The following KCNH8 variants were observed in gnomAD, a reference collection of about 807,000 sequenced individuals.
KCNH8 encodes voltage-gated delayed rectifier potassium channel KCNH8.
Under a neutral mutation model 103.6 loss-of-function variants are expected in KCNH8, and 70 were observed. That is an observed-to-expected ratio of 0.68 (90% CI 0.56 to 0.82). The LOEUF is 0.82. Ranked by LOEUF, KCNH8 falls within the 40% of genes least tolerant of loss-of-function variation. KCNH8 has a pLI of 0.00. For synonymous variants in KCNH8, 498 were observed against 489.4 expected (o/e 1.02, Z -0.23); for missense variants, 1,217 against 1,329.9 (o/e 0.92, Z 1.32).
At chr3:19,249,326 C>T (rs1213446939) in intron 1 of KCNH8, among the ~76,000 whole-genome samples, 4 of 152,164 alleles carry the variant, frequency 2.6e-5, no homozygotes, top group African/African-American at 9.7e-5. Flanking sequence ...AATACAGGGA[C>T]CATTCATGTA....
At chr3:19,353,974 C>T (rs9853073) in intron 5 of KCNH8, among the ~76,000 whole-genome samples, 81,053 of 152,016 alleles carry the variant, frequency 0.53, 23,959 homozygotes, top group African/African-American at 0.81. Flanking sequence ...TGATTGTATA[C>T]TTAGAAAACC....
intron 5 of KCNH8, among the ~76,000 whole-genome samples, chr3:19,382,826 C>A: frequency 6.6e-6 from 1 of 152,092 alleles, no homozygotes; most frequent in East Asian, 1.9e-4. Context: ...AACAAGCAAT[C>A]TCAATGTCTC....
At chr3:19,444,596 T>A (rs913124682) in intron 8 of KCNH8, among the ~76,000 whole-genome samples, 13 of 151,846 alleles carry the variant, frequency 8.6e-5, no homozygotes, top group African/African-American at 1.2e-4. Flanking sequence ...CAAATGTTTA[T>A]CTGACAAAGG....
At chr3:19,244,753 G>A (rs2064183235) in intron 1 of KCNH8, among the ~76,000 whole-genome samples, 1 of 151,822 alleles carries the variant, frequency 6.6e-6, no homozygotes, top group African/African-American at 2.4e-5. Flanking sequence ...ATTTTTATTG[G>A]CCACTTGCAT....
At chr3:19,329,127 GGATTCC>G (rs1205845589) in intron 3 of KCNH8, among the ~76,000 whole-genome samples, 1 of 152,080 alleles carries the variant, frequency 6.6e-6, no homozygotes, top group Non-Finnish European at 1.5e-5. Context: ...TTAAGAGTTA[GGATTCC>G]AATGTGCCAT....
At chr3:19,300,630 A>C (rs1344917704) in intron 3 of KCNH8, among the ~76,000 whole-genome samples, 1 of 152,156 alleles carries the variant, frequency 6.6e-6, no homozygotes, top group Non-Finnish European at 1.5e-5. Context: ...AAGAGCGGAG[A>C]TTACATAACG....
chr3:19,467,110 G>C, intron 11 of KCNH8, among the ~76,000 whole-genome samples: 1 of 152,228 alleles, frequency 6.6e-6, no homozygotes, highest in East Asian at 1.9e-4. Flanking sequence ...TACTGAGATA[G>C]TAACTTTATT....
chr3:19,258,336 G>A (rs1307564501), intron 2 of KCNH8, among the ~76,000 whole-genome samples: 1 of 152,018 alleles, frequency 6.6e-6, no homozygotes, highest in Admixed American at 6.6e-5. Context: ...CTGATTCTCT[G>A]TGGAGGTGGA....
intron 11 of KCNH8, among the ~76,000 whole-genome samples, chr3:19,493,273 A>T (rs758034491): frequency 6.6e-5 from 10 of 151,958 alleles, no homozygotes; most frequent in Non-Finnish European, 1.0e-4. Flanking sequence ...AGGAACGGGG[A>T]GAGTGGGCAT....
intron 1 of KCNH8, among the ~76,000 whole-genome samples, chr3:19,192,562 C>G (rs2063563241): frequency 6.6e-6 from 1 of 151,606 alleles, no homozygotes; most frequent in South Asian, 2.1e-4. Flanking sequence ...CCCATATTAC[C>G]AGTGCTCTTT....
chr3:19,348,761 A>G (rs2065761220), intron 5 of KCNH8, among the ~76,000 whole-genome samples: 1 of 152,068 alleles, frequency 6.6e-6, no homozygotes, highest in South Asian at 2.1e-4. Context: ...TTCTTACTGT[A>G]AAGATGAGAG....
At chr3:19,401,517 C>A (rs1228449919) in intron 7 of KCNH8, among the ~76,000 whole-genome samples, 1 of 151,944 alleles carries the variant, frequency 6.6e-6, no homozygotes, top group Non-Finnish European at 1.5e-5. Flanking sequence ...CCAGAAGACG[C>A]AAATCAAATA....
intron 8 of KCNH8, among the ~76,000 whole-genome samples, chr3:19,440,034 C>CAGAA (rs1459160037): frequency 6.6e-6 from 1 of 151,844 alleles, no homozygotes; most frequent in Non-Finnish European, 1.5e-5. Flanking sequence ...GTGACAAAGA[C>CAGAA]AGAAAGAAAC....
chr3:19,383,941 T>G (rs958275398), intron 5 of KCNH8, among the ~76,000 whole-genome samples: 4 of 152,178 alleles, frequency 2.6e-5, no homozygotes, highest in African/African-American at 9.6e-5. Flanking sequence ...TAAATTATTT[T>G]TATTAAAAAT....
At chr3:19,398,603 T>C (rs1303496328) in intron 7 of KCNH8, among the ~76,000 whole-genome samples, 10 of 151,924 alleles carry the variant, frequency 6.6e-5, no homozygotes, top group Non-Finnish European at 2.9e-5. Flanking sequence ...TTTTGAACAG[T>C]GATCCTTTGA....
At chr3:19,373,697 T>A (rs1331487302) in intron 5 of KCNH8, among the ~76,000 whole-genome samples, 1 of 151,832 alleles carries the variant, frequency 6.6e-6, no homozygotes, top group Non-Finnish European at 1.5e-5. Flanking sequence ...TTAATTGTGA[T>A]GTTAGGGTGT....
intron 3 of KCNH8, among the ~76,000 whole-genome samples, chr3:19,309,629 C>G (rs1227349610): frequency 2.6e-5 from 4 of 151,792 alleles, no homozygotes; most frequent in Non-Finnish European, 5.9e-5. Context: ...AAAAGTGTTT[C>G]AAGAAAGTGA....
intron 11 of KCNH8, among the ~76,000 whole-genome samples, chr3:19,497,664 T>C (rs1383162453): frequency 3.9e-5 from 6 of 152,190 alleles, no homozygotes; most frequent in Non-Finnish European, 7.3e-5. Flanking sequence ...TCTGATTTTG[T>C]GGTTGATTTT....
At chr3:19,371,825 C>T (rs2066101044) in intron 5 of KCNH8, among the ~76,000 whole-genome samples, 2 of 151,336 alleles carry the variant, frequency 1.3e-5, no homozygotes, top group African/African-American at 4.9e-5. Flanking sequence ...CAGCTTTCTA[C>T]ATATGGCTAG....
Sources: allele counts gnomAD v4.1 joint callset (sites outside exome capture counted in the v4.1 genomes callset), GRCh38; gene constraint gnomAD v4.1.1; transcripts MANE v1.5; gene names NCBI Gene and HGNC (gene_info 2026-07-23, HGNC 2026-07-21).